Variants in XRRA1 observed in about 807,000 individuals in gnomAD.
XRRA1 encodes X-ray radiation resistance-associated protein 1.
A neutral mutation model predicts 80.2 loss-of-function variants in XRRA1; 69 were observed. The observed-to-expected ratio is 0.86, with a 90% confidence interval of 0.71 to 1.05. The LOEUF (loss-of-function observed/expected upper bound fraction) is 1.05, where lower values mean the gene tolerates loss of function less well. Among genes scored for constraint, XRRA1 ranks in the 50% least tolerant of loss-of-function variants. XRRA1 has a pLI of 0.00. For missense variants in XRRA1, 967 were observed against 976.4 expected (o/e 0.99, Z 0.13); for synonymous variants, 348 against 389.9 (o/e 0.89, Z 1.27).
intron 2 of XRRA1, among the ~76,000 whole-genome samples, chr11:74,944,046 T>G (rs576832127): frequency 1.1e-4 from 16 of 152,282 alleles, no homozygotes; most frequent in African/African-American, 3.9e-4. Flanking sequence ...GGTCTCAAAC[T>G]CCTGTGCTCA....
At chr11:74,868,105 G>A (rs7945743) in intron 10 of XRRA1, among the ~76,000 whole-genome samples, 2,228 of 152,042 alleles carry the variant, frequency 0.015, 32 homozygotes, top group Middle Eastern at 0.027. Flanking sequence ...TTTTAGTAGA[G>A]ACAGGGTTTC....
chr11:74,882,359 A>G (rs1372596195), intron 10 of XRRA1, among the ~76,000 whole-genome samples: 2 of 150,650 alleles, frequency 1.3e-5, no homozygotes, highest in African/African-American at 2.4e-5. Flanking sequence ...TTTCAGCTCC[A>G]TCAGCTCCTT....
intron 10 of XRRA1, among the ~76,000 whole-genome samples, chr11:74,864,690 G>T (rs1183767573): frequency 6.6e-6 from 1 of 152,218 alleles, no homozygotes; most frequent in African/African-American, 2.4e-5. Flanking sequence ...TTGGTGGAAA[G>T]GCTTGTCTGC....
intron 10 of XRRA1, among the ~76,000 whole-genome samples, chr11:74,881,883 A>G (rs1323197947): frequency 1.4e-5 from 2 of 146,912 alleles, no homozygotes. Context: ...ATCCGCTGTT[A>G]GTCTGATGGG....
chr11:74,940,210 T>C (rs1946041669), intron 3 of XRRA1, among the ~76,000 whole-genome samples: 1 of 152,206 alleles, frequency 6.6e-6, no homozygotes, highest in Admixed American at 6.5e-5. Context: ...CAGGGAAGTT[T>C]TTAACTAGAT....
intron 13 of XRRA1, among the ~76,000 whole-genome samples, chr11:74,851,617 G>T (rs938791041): frequency 1.3e-5 from 2 of 152,164 alleles, no homozygotes; most frequent in African/African-American, 4.8e-5. Context: ...ACTGGGAATT[G>T]GGAAATGAGG....
At chr11:74,944,070 C>T (rs1215124183) in intron 2 of XRRA1, among the ~76,000 whole-genome samples, 1 of 152,176 alleles carries the variant, frequency 6.6e-6, no homozygotes, top group African/African-American at 2.4e-5. Context: ...CATCCACCCA[C>T]CTTGGCCTCC....
chr11:74,934,870 A>G (rs530232605), intron 4 of XRRA1, among the ~76,000 whole-genome samples: 2 of 152,350 alleles, frequency 1.3e-5, no homozygotes, highest in South Asian at 4.1e-4. Context: ...CATATCAGAC[A>G]GAGTACATCA....
At chr11:74,916,763 T>C (rs1304700262) in intron 8 of XRRA1, among the ~76,000 whole-genome samples, 1 of 152,192 alleles carries the variant, frequency 6.6e-6, no homozygotes, top group Non-Finnish European at 1.5e-5. Flanking sequence ...TCTATTAATA[T>C]GGTAACTCTA....
intron 3 of XRRA1, among the ~76,000 whole-genome samples, chr11:74,938,457 C>T (rs1432820651): frequency 6.6e-6 from 1 of 152,120 alleles, no homozygotes; most frequent in Middle Eastern, 3.2e-3. Flanking sequence ...AGGAGATCAA[C>T]GGGAGAGAAA....
chr11:74,885,220 C>T (rs541646748), intron 10 of XRRA1, among the ~76,000 whole-genome samples: 26 of 152,214 alleles, frequency 1.7e-4, no homozygotes, highest in African/African-American at 5.1e-4. Flanking sequence ...ACTGAGATCA[C>T]GCAACTGCGC....
At chr11:74,877,457 T>A (rs926850023) in intron 10 of XRRA1, among the ~76,000 whole-genome samples, 2 of 152,202 alleles carry the variant, frequency 1.3e-5, no homozygotes, top group South Asian at 2.1e-4. Flanking sequence ...GGGATTCTTT[T>A]TTTTTATTTT....
intron 9 of XRRA1, 38 bp from the exon 10 acceptor site, chr11:74,906,494 A>G (rs1384630985): frequency 6.2e-7 from 1 of 1,602,520 alleles, no homozygotes; most frequent in Non-Finnish European, 8.5e-7. Flanking sequence ...TCATAGCAAT[A>G]ATGATACCTC....
rs374570201 is a variant in XRRA1 at position 74,906,447 on chromosome 11, C to T, written c.795G>A (p.Lys265=). ...TAATCCTGTTTTCATCCAAGCTTAACTTCTTCAGTCTTCAATTAAGGAAAG... is the reference window on the plus strand; with the variant it reads ...TAATCCTGTTTTCATCCAAGCTTAATTTCTTCAGTCTTCAATTAAGGAAAG... ...ASLAGLRRLK[K]LSLDENRIIR... is the part of the protein sequence containing the mutation. The change falls in exon 10 of 19, where the codon AAG becomes AAA. Residue 265 remains lysine, a synonymous_variant. Coordinates refer to ENST00000684022, the MANE Select transcript of XRRA1 (RefSeq NM_001378157.1). 5.6e-6 allele frequency: 9 copies of T among 1,613,714 alleles called. No homozygotes were observed. The highest frequency in any genetic ancestry group is 7.6e-6 in the Non-Finnish European group (9 of 1,179,846).
At chr11:74,943,633 T>C (rs1390434632) in intron 2 of XRRA1, among the ~76,000 whole-genome samples, 3 of 150,948 alleles carry the variant, frequency 2.0e-5, no homozygotes, top group African/African-American at 7.3e-5. Flanking sequence ...TCTTACCAAC[T>C]GCTGCCATGC....
chr11:74,943,823 T>C (rs1264688419), intron 2 of XRRA1, among the ~76,000 whole-genome samples: 1 of 151,900 alleles, frequency 6.6e-6, no homozygotes, highest in African/African-American at 2.4e-5. Flanking sequence ...TTCTGATTCA[T>C]CTTTTTTTTT....
intron 10 of XRRA1, among the ~76,000 whole-genome samples, chr11:74,889,552 A>G (rs2050068746): frequency 6.6e-6 from 1 of 152,252 alleles, no homozygotes; most frequent in South Asian, 2.1e-4. Context: ...CACACATAAC[A>G]ATATTAACCT....
At position 74,848,229 on chromosome 11, in the gene XRRA1, G is replaced by A. The variant is rs1352310292; in HGVS notation, c.1614C>T (p.Ser538=). ...ACAGGGTCTCTTCACTATGCACAGT[G>A]GAGTTGGAGCAGATGGGAGGCAGTG... The part of the protein sequence containing the change: ...FVPLPPICSN[S]TVHSEETLSH... The change falls in exon 15 of 19, where the codon TCC becomes TCT. Residue 538 remains serine, a synonymous_variant. Coordinates refer to ENST00000684022, the MANE Select transcript of XRRA1 (RefSeq NM_001378157.1). The A allele has an allele frequency of 6.2e-7, 1 of 1,613,956 alleles. No individual in the cohort carries two copies. The highest frequency in any genetic ancestry group is 1.7e-5 in the Admixed American group (1 of 60,026).
rs541702286 is a variant in XRRA1 at position 74,931,878 on chromosome 11, T to C, written c.352-1506A>G. ...AAACAATTTACAGTCCTACCTGCAGTGTATGAGAAGTCCTATTTCTTTAAA... is the reference window on the plus strand; with the variant it reads ...AAACAATTTACAGTCCTACCTGCAGCGTATGAGAAGTCCTATTTCTTTAAA... On this transcript the variant is annotated intron_variant, in intron 5 of 18. Transcript: ENST00000684022. The C allele has an allele frequency of 2.6e-5, 4 of 152,358 alleles. No homozygotes were observed. The South Asian group carries it at 8.3e-4, about 32-fold the overall frequency. 9.4% of individuals were successfully genotyped at this position (152,358 alleles called of 1,614,324 possible).
Sources: gnomAD v4.1 joint callset for allele counts (sites outside exome capture counted in the v4.1 genomes callset) on GRCh38, gnomAD v4.1.1 for gene constraint, MANE v1.5 for transcripts, NCBI Gene and HGNC (gene_info 2026-07-23, HGNC 2026-07-21) for gene names.